The following MAGI2 variants were observed in gnomAD, a reference collection of about 807,000 sequenced individuals.
MAGI2 encodes the protein membrane-associated guanylate kinase, WW and PDZ domain-containing protein 2.
In MAGI2, 35 loss-of-function variants were observed where a neutral mutation model predicts 133.3. The observed-to-expected ratio is 0.26, with a 90% CI of 0.20 to 0.35. The LOEUF (loss-of-function observed/expected upper bound fraction) is 0.35, where lower values mean the gene tolerates loss of function less well. Ranked by LOEUF, MAGI2 falls within the 10% of genes least tolerant of loss-of-function variation. MAGI2 has a pLI of 1.00. For missense variants in MAGI2, 1,636 were observed against 1,863.4 expected (o/e 0.88, Z 2.25); for synonymous variants, 729 against 710.6 (o/e 1.03, Z -0.41).
chr7:78,647,839 CT>C (rs1811061530), intron 2 of MAGI2, among the ~76,000 whole-genome samples: 1 of 152,168 alleles, frequency 6.6e-6, no homozygotes, highest in African/African-American at 2.4e-5. Flanking sequence ...AGTTCATGTC[CT>C]TTGCAGGGAC....
intron 1 of MAGI2, among the ~76,000 whole-genome samples, chr7:79,035,845 A>T (rs1397637892): frequency 6.6e-6 from 1 of 152,232 alleles, no homozygotes; most frequent in Non-Finnish European, 1.5e-5. Flanking sequence ...CCAATTCACA[A>T]TCCTGTAAAT....
chr7:79,235,469 A>G (rs1340572541), intron 1 of MAGI2, among the ~76,000 whole-genome samples: 3 of 151,702 alleles, frequency 2.0e-5, no homozygotes, highest in Non-Finnish European at 2.9e-5. Flanking sequence ...AGGACCCTCC[A>G]AGCCAGGTGC....
chr7:78,973,618 A>AGAAGCCTTATTTCCTCC, intron 2 of MAGI2, among the ~76,000 whole-genome samples: 3 of 151,636 alleles, frequency 2.0e-5, no homozygotes, highest in Admixed American at 2.0e-4. Flanking sequence ...TCTTAACTGG[A>AGAAGCCTTATTTCCTCC]GAAGCCTTAT....
At chr7:78,709,240 C>A (rs559494015) in intron 2 of MAGI2, among the ~76,000 whole-genome samples, 1 of 151,946 alleles carries the variant, frequency 6.6e-6, no homozygotes, top group South Asian at 2.1e-4. Flanking sequence ...TTTCTCCCAA[C>A]AATACCCCAG....
intron 2 of MAGI2, among the ~76,000 whole-genome samples, chr7:78,941,318 C>A (rs1476217052): frequency 6.6e-6 from 1 of 152,114 alleles, no homozygotes; most frequent in Non-Finnish European, 1.5e-5. Flanking sequence ...AAGACACCTG[C>A]TCAACACATA....
intron 21 of MAGI2, among the ~76,000 whole-genome samples, chr7:78,028,040 G>A (rs1205577986): frequency 1.3e-5 from 2 of 152,166 alleles, no homozygotes; most frequent in African/African-American, 2.4e-5. Flanking sequence ...AAGTCATTTG[G>A]CATTCAAAAG....
At chr7:79,310,295 C>G in intron 1 of MAGI2, among the ~76,000 whole-genome samples, 1 of 144,236 alleles carries the variant, frequency 6.9e-6, no homozygotes, top group Admixed American at 7.1e-5. Flanking sequence ...TCTAAAGATA[C>G]AGCAATCCAT....
At chr7:79,256,184 C>G (rs894091907) in intron 1 of MAGI2, among the ~76,000 whole-genome samples, 1 of 152,176 alleles carries the variant, frequency 6.6e-6, no homozygotes, top group African/African-American at 2.4e-5. Context: ...GCAGATGCCT[C>G]TCAGCACTAC....
At chr7:78,859,983 T>A (rs2151498243) in intron 2 of MAGI2, among the ~76,000 whole-genome samples, 1 of 152,304 alleles carries the variant, frequency 6.6e-6, no homozygotes, top group East Asian at 1.9e-4. Context: ...CTTCATTTCA[T>A]TCATTTGATC....
intron 2 of MAGI2, among the ~76,000 whole-genome samples, chr7:78,804,748 C>CAAAAAAAAAAAA (rs373472835): frequency 1.0e-5 from 1 of 97,732 alleles, no homozygotes; most frequent in African/African-American, 4.7e-5. Context: ...GACTCTGTCT[C>CAAAAAAAAAAAA]AAAAAAAAAA....
intron 3 of MAGI2, among the ~76,000 whole-genome samples, chr7:78,592,499 T>A (rs1262824094): frequency 6.6e-6 from 1 of 151,844 alleles, no homozygotes; most frequent in Non-Finnish European, 1.5e-5. Flanking sequence ...GGGCAGTATT[T>A]GAAAAAAATA....
At position 79,430,589 on chromosome 7, in the gene MAGI2, GCAC is replaced by G. The variant is rs369970364; in HGVS notation, c.301+22428_301+22430del. Among the ~76,000 whole-genome samples the G allele has an allele frequency of 2.9e-3, 439 of 152,250 alleles. 2 individuals carry two copies. Among genetic ancestry groups the G allele is most frequent in the African/African-American group, 0.01 (426 of 41,548 alleles). On this transcript the variant is annotated intron_variant, in intron 1 of 21. Coordinates refer to ENST00000354212, the MANE Select transcript of MAGI2 (RefSeq NM_012301.4). ...CCTCCACATTCACAGTTGTCTGGGAGCACCAAGCACGGATTACACAAAAATTAC... is the reference window on the plus strand; with the variant it reads ...CCTCCACATTCACAGTTGTCTGGGAGCAAGCACGGATTACACAAAAATTAC...
intron 3 of MAGI2, among the ~76,000 whole-genome samples, chr7:78,581,406 T>G (rs1419874306): frequency 6.6e-6 from 1 of 152,228 alleles, no homozygotes; most frequent in African/African-American, 2.4e-5. Context: ...GTCCGTGCTT[T>G]CCAGTAGTTT....
intron 6 of MAGI2, among the ~76,000 whole-genome samples, chr7:78,380,582 G>T (rs1794832599): frequency 6.6e-6 from 1 of 152,054 alleles, no homozygotes; most frequent in Non-Finnish European, 1.5e-5. Context: ...GTAGAATGAT[G>T]GTTACCAGAG....
chr7:78,489,618 CTCTCTCT>C, intron 6 of MAGI2, 136 bp downstream of exon 6: 1 of 691,450 alleles, frequency 1.4e-6, no homozygotes, highest in Middle Eastern at 2.7e-4. Context: ...CGAGTTAATT[CTCTCTCT>C]TATCTGAGCA....
intron 13 of MAGI2, among the ~76,000 whole-genome samples, chr7:78,180,392 T>A (rs1158534336): frequency 6.6e-6 from 1 of 152,152 alleles, no homozygotes; most frequent in Admixed American, 6.5e-5. Flanking sequence ...ATTATGACCA[T>A]CTCAGGAATG....
intron 1 of MAGI2, among the ~76,000 whole-genome samples, chr7:79,028,218 T>A (rs542673985): frequency 0.014 from 817 of 59,882 alleles, 10 homozygotes; most frequent in African/African-American, 0.036. Context: ...CTCAAAAAAA[T>A]ATATATATAT....
At chr7:78,570,716 C>T (rs1395091829) in intron 3 of MAGI2, among the ~76,000 whole-genome samples, 1 of 152,058 alleles carries the variant, frequency 6.6e-6, no homozygotes, top group Non-Finnish European at 1.5e-5. Flanking sequence ...ATCCGTAATC[C>T]TTAAAAATTG....
chr7:78,582,483 T>C (rs1340241778), intron 3 of MAGI2, among the ~76,000 whole-genome samples: 1 of 152,216 alleles, frequency 6.6e-6, no homozygotes, highest in Non-Finnish European at 1.5e-5. Context: ...ATATATGTGA[T>C]TTCCAGGCCT....
Sources: gnomAD v4.1 joint callset for allele counts (sites outside exome capture counted in the v4.1 genomes callset) on GRCh38, gnomAD v4.1.1 for gene constraint, MANE v1.5 for transcripts, NCBI Gene and HGNC (gene_info 2026-07-23, HGNC 2026-07-21) for gene names.